ZNF595: variants seen among roughly 807,000 people sequenced by gnomAD.
ZNF595 encodes the protein zinc finger protein 595.
ZNF595 carries 9 observed loss-of-function variants against 19.4 expected under a neutral mutation model. The ratio of observed to expected loss-of-function variants is 0.46; its 90% CI spans 0.28 to 0.81. ZNF595 has a LOEUF of 0.81. ZNF595 is among the 30% of genes least tolerant of loss of function. The probability of loss-of-function intolerance (pLI) is 0.11; values close to 1 mark genes in which losing one functional copy is unlikely to be tolerated. For missense variants in ZNF595, 729 were observed against 736.0 expected (o/e 0.99, Z 0.11); for synonymous variants, 255 against 255.9 (o/e 1.00, Z 0.03).
intron 3 of ZNF595, among the ~76,000 whole-genome samples, chr4:72,767 A>T (rs547465561): frequency 6.6e-6 from 1 of 152,300 alleles, no homozygotes; most frequent in Non-Finnish European, 1.5e-5. Context: ...ATTCTGCTGG[A>T]TTCTTCAAAC....
chr4:78,729 C>G (rs200036769), intron 3 of ZNF595, among the ~76,000 whole-genome samples: 1 of 152,066 alleles, frequency 6.6e-6, no homozygotes, highest in East Asian at 1.9e-4. Context: ...TTCTTTCTTT[C>G]TTTTTTGAGA....
chr4:76,580 C>T (rs560259174), intron 3 of ZNF595, among the ~76,000 whole-genome samples: 15 of 152,042 alleles, frequency 9.9e-5, no homozygotes, highest in African/African-American at 2.7e-4. Context: ...ATTAGAAGTC[C>T]GTTATTACAA....
In ZNF595 at chr4:86,817, C is replaced by A. The variant is rs781901175; in HGVS notation, c.1313C>A (p.Thr438Asn). Residue 438 changes from threonine (T) to asparagine (N), a missense_variant, in exon 4 of 4, where the codon ACT becomes AAT. Physicochemically the swap from Thr to Asn is moderately conservative, Grantham distance 65 (BLOSUM62 0). Transcript: ENST00000610261. Reference sequence around the variant, plus strand: ...GGCAAAGCTTTTAACCAATCCTCAACTCTTATATTACACAAGAGAATCCAT... The same window carrying A: ...GGCAAAGCTTTTAACCAATCCTCAAATCTTATATTACACAAGAGAATCCAT... ...ECGKAFNQSS[T>N]LILHKRIHSG... 6.2e-7 allele frequency: 1 copy of A among 1,613,048 alleles called. No individual in the cohort carries two copies. Among genetic ancestry groups the A allele is most frequent in the Non-Finnish European group, 8.5e-7 (1 of 1,179,738 alleles).
At chr4:60,836 T>G (rs1712824766) in intron 3 of ZNF595, among the ~76,000 whole-genome samples, 1 of 152,404 alleles carries the variant, frequency 6.6e-6, no homozygotes, top group Admixed American at 6.5e-5. Context: ...CTTCAAAATG[T>G]TATTTTGTAT....
intron 3 of ZNF595, among the ~76,000 whole-genome samples, chr4:85,422 C>T (rs1458723180): frequency 6.6e-6 from 1 of 152,134 alleles, no homozygotes; most frequent in Non-Finnish European, 1.5e-5. Flanking sequence ...CTCCTATAGG[C>T]ACAATGCTAT....
In ZNF595 at chr4:86,839, C is replaced by T. The variant is rs782263995; in HGVS notation, c.1335C>T (p.Ile445=). Residue 445 remains isoleucine, a synonymous_variant, in exon 4 of 4, where the codon ATC becomes ATT. Coordinates refer to ENST00000610261, the MANE Select transcript of ZNF595 (RefSeq NM_182524.4). ...QSSTLILHKR[I]HSGQKPYKCE... The stretch of plus-strand genomic sequence containing the variant: ...CAACTCTTATATTACACAAGAGAAT[C>T]CATTCTGGGCAAAAACCTTACAAAT... 21 of 1,608,836 alleles carry T rather than the reference C, an allele frequency of 1.3e-5. No individual in the cohort carries two copies. The South Asian group carries it at 2.1e-4, about 16-fold the overall frequency.
chr4:78,182 G>A (rs1384949430), intron 3 of ZNF595, among the ~76,000 whole-genome samples: 3 of 152,206 alleles, frequency 2.0e-5, no homozygotes, highest in African/African-American at 4.8e-5. Flanking sequence ...CTAATTTTTT[G>A]TATGTTTAGT....
intron 3 of ZNF595, among the ~76,000 whole-genome samples, chr4:73,384 G>T (rs1713509968): frequency 2.0e-5 from 3 of 152,220 alleles, no homozygotes; most frequent in African/African-American, 7.2e-5. Flanking sequence ...TGAAGGTGGA[G>T]CAGAGTCCAG....
intron 3 of ZNF595, among the ~76,000 whole-genome samples, chr4:80,961 C>A (rs577197371): frequency 6.6e-6 from 1 of 152,224 alleles, no homozygotes; most frequent in Non-Finnish European, 1.5e-5. Context: ...AGGTATTTGT[C>A]CTAATGCTCT....
intron 3 of ZNF595, among the ~76,000 whole-genome samples, chr4:78,594 A>G (rs1345057210): frequency 6.6e-6 from 1 of 152,210 alleles, no homozygotes; most frequent in African/African-American, 2.4e-5. Flanking sequence ...CTATTCGATT[A>G]TATGTTCTGT....
rs186693576 is a variant in ZNF595 at position 68,929 on chromosome 4, A to C, written c.226+8776A>C. Among the ~76,000 whole-genome samples the C allele has an allele frequency of 5.9e-4, 90 of 152,306 alleles. 1 individual carries two copies. In the East Asian group the frequency reaches 8.1e-3, roughly 14 times the overall value. On this transcript the variant is annotated intron_variant, in intron 3 of 3. Transcript: ENST00000610261. ...ACTATACTTTCCAGCCTCTGATAACAATCCTTCTGCTTTCTATCTCCATGA... is the reference window on the plus strand; with the variant it reads ...ACTATACTTTCCAGCCTCTGATAACCATCCTTCTGCTTTCTATCTCCATGA...
Position 86,037 on chromosome 4 carries a change from G to T in ZNF595, c.533G>T (p.Cys178Phe), listed in dbSNP as rs1714129635. 1 of 1,610,834 alleles carries T rather than the reference G, an allele frequency of 6.2e-7. No individual in the cohort carries two copies. The highest frequency in any genetic ancestry group is 1.3e-5 in the African/African-American group (1 of 74,870). Residue 178 changes from cysteine (C) to phenylalanine (F), a missense_variant, in exon 4 of 4, where the codon TGT becomes TTT. Physicochemically the swap from Cys to Phe is radical, Grantham distance 205 (BLOSUM62 -2). Around this residue, in one of 2 missense-constraint regions of ZNF595, gnomAD observed 729 missense variants for 675.3 expected, o/e 1.08. Transcript: ENST00000610261. ...TGEKPFKCTECGRSFYMSHLT... is the reference protein window; with the variant it reads ...TGEKPFKCTEFGRSFYMSHLT... ...GAGAAACCCTTTAAATGTACAGAAT[G>T]TGGCAGATCGTTTTACATGTCACAC... is the stretch of plus-strand genomic sequence containing the variant.
Position 87,063 on chromosome 4 carries a change from C to G in ZNF595, c.1559C>G (p.Ser520Cys). 1.9e-6 allele frequency: 3 copies of G among 1,613,850 alleles called. No homozygotes were observed. Among genetic ancestry groups the G allele is most frequent in the Non-Finnish European group, 2.5e-6 (3 of 1,179,958 alleles). ...CKECGKAFNQ[S>C]SGLIIHRSIH... is the part of the protein sequence containing the mutation. ...GAATGTGGCAAAGCTTTTAACCAAT[C>G]CTCAGGCCTTATTATACACAGGAGC... The change falls in exon 4 of 4, where the codon TCC (serine) becomes TGC (cysteine). Residue 520 changes from serine (S) to cysteine (C), a missense_variant. Coordinates refer to ENST00000610261, the MANE Select transcript of ZNF595 (RefSeq NM_182524.4).
chr4:80,280 A>G (rs567880767), intron 3 of ZNF595, among the ~76,000 whole-genome samples: 69 of 152,278 alleles, frequency 4.5e-4, no homozygotes, highest in African/African-American at 1.5e-3. Context: ...CGGCCTCCCA[A>G]AGTGCTGGGA....
chr4:82,024 T>C (rs1713928048), intron 3 of ZNF595, among the ~76,000 whole-genome samples: 1 of 152,168 alleles, frequency 6.6e-6, no homozygotes, highest in Admixed American at 6.5e-5. Context: ...GAGTGTGTAT[T>C]TTTCCTGGAT....
chr4:60,730 G>A (rs1001571108), intron 3 of ZNF595, among the ~76,000 whole-genome samples: 815 of 136,000 alleles, frequency 6.0e-3, no homozygotes, highest in Middle Eastern at 0.025. Context: ...TTTTAATCCT[G>A]TAGAGGTTGC....
chr4:64,738 T>G (rs1581328645), intron 3 of ZNF595, among the ~76,000 whole-genome samples: 152 of 148,372 alleles, frequency 1.0e-3, no homozygotes, highest in African/African-American at 3.8e-3. Flanking sequence ...TACCAGAGAT[T>G]TGGACAGTCA....
At chr4:54,991 CCTAA>C (rs1658126803) in intron 1 of ZNF595, among the ~76,000 whole-genome samples, 1 of 151,452 alleles carries the variant, frequency 6.6e-6, no homozygotes, top group Non-Finnish European at 1.5e-5. Flanking sequence ...ACGCCATTCT[CCTAA>C]CTCAGTCTCC....
intron 3 of ZNF595, among the ~76,000 whole-genome samples, chr4:76,026 G>T (rs1367587569): frequency 6.6e-6 from 1 of 152,016 alleles, no homozygotes; most frequent in African/African-American, 2.4e-5. Context: ...GAGTAGCTAG[G>T]ATTACAAGTA....
Sources: gnomAD v4.1 joint callset for allele counts (sites outside exome capture counted in the v4.1 genomes callset) on GRCh38, gnomAD v4.1.1 for gene constraint, gnomAD v4.1.1 regional missense constraint, MANE v1.5 for transcripts, NCBI Gene and HGNC (gene_info 2026-07-23, HGNC 2026-07-21) for gene names.